PSMD11: variants seen among roughly 807,000 people sequenced by gnomAD.
PSMD11 encodes the protein 26S proteasome non-ATPase regulatory subunit 11.
Under a neutral mutation model 62.3 loss-of-function variants are expected in PSMD11, and 5 were observed. The ratio of observed to expected loss-of-function variants is 0.08; its 90% CI spans 0.04 to 0.17. The LOEUF (loss-of-function observed/expected upper bound fraction) is 0.17, where lower values mean the gene tolerates loss of function less well. PSMD11 is among the 10% of genes least tolerant of loss of function. PSMD11 has a pLI of 1.00. For synonymous variants in PSMD11, 191 were observed against 191.8 expected (o/e 1.00, Z 0.03); for missense variants, 310 against 512.9 (o/e 0.60, Z 3.82).
At position 32,462,998 on chromosome 17, in the gene PSMD11, A is replaced by G. The variant is rs1456887093; in HGVS notation, c.319-1051A>G. 2.8e-4 allele frequency among the ~76,000 whole-genome samples: 42 copies of G among 152,192 alleles called. 1 individual carries two copies. Among genetic ancestry groups the G allele is most frequent in the Admixed American group, 2.7e-3 (42 of 15,274 alleles). ...CCACTGCGCCTGGCCAGCATTTCTT[A>G]AGAGAACTTTGGATTTATATAAAAA... On this transcript the variant is annotated intron_variant, in intron 3 of 13. Transcript: ENST00000261712.
rs574281055 is a variant in PSMD11, at chr17:32,470,067, C to T, written c.643+874C>T. ...TCACTCTGTTGCCCAGGTTGGAGCA[C>T]AGTGGTGCAGTCACAGCTTACCACA... is the stretch of plus-strand genomic sequence containing the variant. On this transcript the variant is annotated intron_variant, in intron 6 of 13. Coordinates refer to ENST00000261712, the MANE Select transcript of PSMD11 (RefSeq NM_002815.4). 5.9e-5 allele frequency among the ~76,000 whole-genome samples: 9 copies of T among 151,522 alleles called. No individual in the cohort carries two copies. The East Asian group carries it at 1.4e-3, about 23-fold the overall frequency.
chr17:32,463,747 A>G (rs1002200973), intron 3 of PSMD11, among the ~76,000 whole-genome samples: 96 of 152,204 alleles, frequency 6.3e-4, no homozygotes, highest in Non-Finnish European at 1.0e-3. Flanking sequence ...ATAGAAATCT[A>G]CATTCCAGGT....
Position 32,477,569 on chromosome 17 carries a change from G to A in PSMD11, c.898G>A (p.Ala300Thr). The change falls in exon 9 of 14, where the codon GCA becomes ACA. Residue 300 changes from alanine (A) to threonine (T), a missense_variant. Physicochemically the swap from Ala to Thr is moderately conservative, Grantham distance 58. Coordinates refer to ENST00000261712, the MANE Select transcript of PSMD11 (RefSeq NM_002815.4). ...TCAGGCTAGCAAGAACAGATCACTGGCAGATTTTGAAAAGGTGAGTATGAT... is the reference window on the plus strand; with the variant it reads ...TCAGGCTAGCAAGAACAGATCACTGACAGATTTTGAAAAGGTGAGTATGAT... ...VAQASKNRSL[A>T]DFEKALTDYR... The A allele has an allele frequency of 6.2e-7, 1 of 1,611,654 alleles. No homozygotes were observed. The highest frequency in any genetic ancestry group is 1.3e-5 in the African/African-American group (1 of 75,008).
chr17:32,446,822 ACT>A, intron 1 of PSMD11, 121 bp from the exon 2 acceptor site: 1 of 408,540 alleles, frequency 2.4e-6, no homozygotes, highest in Non-Finnish European at 4.2e-6. Flanking sequence ...TTTTTTTTTA[ACT>A]CTAGAATTTG....
rs763416986 is a variant in PSMD11 at position 32,479,258 on chromosome 17, C to G, written c.920C>G (p.Thr307Arg). Residue 307 changes from threonine to arginine, a missense_variant, in exon 10 of 14, where the codon ACA (threonine) becomes AGA (arginine). Physicochemically the swap from Thr to Arg is moderately conservative, Grantham distance 71. This residue lies in a region of PSMD11 where 135 missense variants were observed against 195.4 expected (regional missense o/e 0.69). Coordinates refer to ENST00000261712, the MANE Select transcript of PSMD11 (RefSeq NM_002815.4). ...AACTGGTTCCTTTGGCAGGCTCTGA[C>G]AGATTACCGGGCAGAGCTCCGGGAT... is the stretch of plus-strand genomic sequence containing the variant. ...RSLADFEKAL[T>R]DYRAELRDDP... 6.2e-7 allele frequency: 1 copy of G among 1,613,918 alleles called. No homozygotes were observed. Among genetic ancestry groups the G allele is most frequent in the East Asian group, 2.2e-5 (1 of 44,892 alleles).
At chr17:32,468,080 C>T (rs1418569511) in intron 5 of PSMD11, among the ~76,000 whole-genome samples, 1 of 152,166 alleles carries the variant, frequency 6.6e-6, no homozygotes, top group African/African-American at 2.4e-5. Flanking sequence ...TTTTAGTTTG[C>T]TAAGGATAAT....
intron 3 of PSMD11, among the ~76,000 whole-genome samples, chr17:32,461,581 GA>G (rs35497067): frequency 2.9e-5 from 4 of 138,676 alleles, no homozygotes; most frequent in Admixed American, 7.4e-5. Context: ...CAAAAGAAAA[GA>G]AAAAAAAAAA....
At chr17:32,446,782 CT>C (rs758179765) in intron 1 of PSMD11, among the ~76,000 whole-genome samples, 162 bp from the exon 2 acceptor site, 9 of 137,420 alleles carry the variant, frequency 6.5e-5, no homozygotes, top group Admixed American at 2.2e-4. Flanking sequence ...TATATATGAT[CT>C]TTTTTTTTTC....
Position 32,464,407 on chromosome 17 carries a change from A to G in PSMD11, c.391-114A>G, listed in dbSNP as rs978593527. 1.5e-5 allele frequency: 13 copies of G among 860,038 alleles called. No individual in the cohort carries two copies. The African/African-American group carries it at 2.2e-4, about 15-fold the overall frequency. The allele number at this position is 860,038 out of a possible 1,614,324, so 53.3% of individuals were successfully genotyped here. On this transcript the variant is annotated intron_variant, in intron 4 of 13. Coordinates refer to ENST00000261712, the MANE Select transcript of PSMD11 (RefSeq NM_002815.4). ...TAGATCGTCTCTTATGCTGAATTTG[A>G]TGCTATCATCAGAAATTGCATATTT...
chr17:32,468,916 T>C, intron 5 of PSMD11, 83 bp from the exon 6 acceptor site: 1 of 1,245,068 alleles, frequency 8.0e-7, no homozygotes, highest in South Asian at 1.8e-5. Flanking sequence ...TTTTTAATCC[T>C]GAGTGTTATG....
At chr17:32,472,225 GTT>G (rs796431729) in intron 6 of PSMD11, among the ~76,000 whole-genome samples, 4 of 140,772 alleles carry the variant, frequency 2.8e-5, no homozygotes, top group Admixed American at 7.2e-5. Flanking sequence ...TTGACGTAGA[GTT>G]TTTTTTTTTT....
chr17:32,479,337 G>A lies in PSMD11; in HGVS notation c.999G>A (p.Gln333=). The A allele has an allele frequency of 6.2e-7, 1 of 1,614,250 alleles. No individual in the cohort carries two copies. The highest frequency in any genetic ancestry group is 8.5e-7 in the Non-Finnish European group (1 of 1,180,042). Residue 333 remains glutamine, a synonymous_variant, in exon 10 of 14, where the codon CAG becomes CAA. Coordinates refer to ENST00000261712, the MANE Select transcript of PSMD11 (RefSeq NM_002815.4). ...AGTTGTATGATAACTTACTAGAACA[G>A]AATCTGATCCGAGTCATTGAGCCTT... ...LAKLYDNLLE[Q]NLIRVIEPFS... is the part of the protein sequence containing the mutation.
intron 5 of PSMD11, among the ~76,000 whole-genome samples, chr17:32,468,581 T>C (rs1479870440): frequency 6.6e-6 from 1 of 152,224 alleles, no homozygotes. Context: ...TGGAGAACAT[T>C]GGTATATCTA....
chr17:32,448,250 G>A (rs1907387776), intron 2 of PSMD11, among the ~76,000 whole-genome samples: 1 of 152,112 alleles, frequency 6.6e-6, no homozygotes, highest in South Asian at 2.1e-4. Flanking sequence ...GAATAAAGAT[G>A]TATGAAATTG....
chr17:32,474,118 T>A, intron 7 of PSMD11, 173 bp downstream of exon 7: 6 of 675,856 alleles, frequency 8.9e-6, no homozygotes, highest in Admixed American at 5.8e-5. Context: ...CAGAAAACTT[T>A]CGCTTGCTAG....
rs55977684 is a variant in PSMD11 at position 32,455,901 on chromosome 17, T to C, written c.318+1282T>C. Among the ~76,000 whole-genome samples, 1,358 of 152,168 alleles carry C rather than the reference T, an allele frequency of 8.9e-3. 20 individuals are homozygous for C. The highest frequency in any genetic ancestry group is 0.029 in the African/African-American group (1,199 of 41,528). On this transcript the variant is annotated intron_variant, in intron 3 of 13. Coordinates refer to ENST00000261712, the MANE Select transcript of PSMD11 (RefSeq NM_002815.4). ...GCTCACGCCTGTAATCCCAGCACTT[T>C]GGGAGGCCAAGGCAGGTGGATCACG... is the stretch of plus-strand genomic sequence containing the variant.
chr17:32,465,034 ACT>A (rs1163364582), intron 5 of PSMD11, among the ~76,000 whole-genome samples: 1 of 151,840 alleles, frequency 6.6e-6, no homozygotes, highest in Non-Finnish European at 1.5e-5. Context: ...GGAGTGGCTA[ACT>A]GAAGCCTTTT....
chr17:32,458,386 C>T (rs919513950), intron 3 of PSMD11, among the ~76,000 whole-genome samples: 4 of 152,170 alleles, frequency 2.6e-5, no homozygotes, highest in African/African-American at 7.2e-5. Context: ...ATGTTGGATC[C>T]CTGGCTGTTT....
intron 3 of PSMD11, among the ~76,000 whole-genome samples, chr17:32,462,541 G>C (rs1907872288): frequency 6.6e-6 from 1 of 152,296 alleles, no homozygotes; most frequent in South Asian, 2.1e-4. Context: ...TAAAGGTTTT[G>C]TTGGTTCTCT....
Sources: gnomAD v4.1 joint callset for allele counts (sites outside exome capture counted in the v4.1 genomes callset) on GRCh38, gnomAD v4.1.1 for gene constraint, gnomAD v4.1.1 regional missense constraint, MANE v1.5 for transcripts, NCBI Gene and HGNC (gene_info 2026-07-23, HGNC 2026-07-21) for gene names.